Variants in KCNAB2 observed in about 807,000 individuals in gnomAD.
KCNAB2 encodes the protein voltage-gated potassium channel subunit beta-2.
Under a neutral mutation model 63.6 loss-of-function variants are expected in KCNAB2, and 29 were observed. That is an observed-to-expected ratio of 0.46 (90% confidence interval 0.34 to 0.62). The LOEUF (loss-of-function observed/expected upper bound fraction) is 0.62, where lower values mean the gene tolerates loss of function less well. Ranked by LOEUF, KCNAB2 falls within the 20% of genes least tolerant of loss-of-function variation. The pLI is 0.01. For missense variants in KCNAB2, 359 were observed against 563.9 expected (o/e 0.64, Z 3.68); for synonymous variants, 222 against 224.2 (o/e 0.99, Z 0.09).
At chr1:6,040,183 G>A (rs1335541615) in intron 1 of KCNAB2, among the ~76,000 whole-genome samples, 2 of 152,230 alleles carry the variant, frequency 1.3e-5, no homozygotes, top group African/African-American at 4.8e-5. Flanking sequence ...CACCATGTGG[G>A]CAGCAGAAAC....
Position 6,028,500 on chromosome 1 carries a change from C to T in KCNAB2, c.-52-12017C>T, listed in dbSNP as rs1018934882. Among the ~76,000 whole-genome samples the T allele has an allele frequency of 2.6e-5, 4 of 152,216 alleles. No individual in the cohort carries two copies. Among genetic ancestry groups the T allele is most frequent in the African/African-American group, 4.8e-5 (2 of 41,458 alleles). On this transcript the variant is annotated intron_variant, in intron 1 of 16. Coordinates refer to the KCNAB2 transcript ENST00000341524. This position sits in a 1 kb window ranked among gnomAD's most constrained non-coding sequence, Gnocchi z 4.0. ...CTGGAGTCCTCGCCCCGAGGCCTTC[C>T]GGAAGACACCCAGGACGTCACACCT...
intron 8 of KCNAB2, among the ~76,000 whole-genome samples, chr1:6,089,927 C>T (rs932430695): frequency 5.9e-5 from 9 of 152,208 alleles, no homozygotes; most frequent in Non-Finnish European, 1.2e-4. Context: ...TCTCAAACTC[C>T]TGGCCCTCAA....
chr1:6,029,901 G>T (rs185697173), upstream of KCNAB2, among the ~76,000 whole-genome samples: 299 of 152,328 alleles, frequency 2.0e-3, no homozygotes, highest in African/African-American at 6.5e-3. Flanking sequence ...GTCAGCACTG[G>T]CAAGATTTCA....
In KCNAB2 at chr1:6,099,896, A is replaced by C. The variant is rs748378219; in HGVS notation, c.*1322A>C. ...CTTGGGCCGGAGGGCAAGGGATGCC[A>C]GTAAGTCTGCAGGTGCGGGGTGCCA... On this transcript the variant is annotated 3_prime_UTR_variant, in exon 16 of 16. Coordinates refer to ENST00000378083, the MANE Select transcript of KCNAB2 (RefSeq NM_001199862.2). The C allele has an allele frequency of 1.3e-6, 2 of 1,550,344 alleles. No individual in the cohort carries two copies. The highest frequency in any genetic ancestry group is 4.9e-5 in the East Asian group (2 of 40,896).
chr1:6,089,047 C>T lies in KCNAB2; in HGVS notation c.510C>T (p.Ile170=), dbSNP rs199984513. 7.1e-6 allele frequency: 11 copies of T among 1,548,886 alleles called. No individual in the cohort carries two copies. The highest frequency in any genetic ancestry group is 5.9e-5 in the Admixed American group (3 of 50,852). The change falls in exon 8 of 16, where the codon ATC becomes ATT. Residue 170 remains isoleucine, a synonymous_variant. Coordinates refer to ENST00000378083, the MANE Select transcript of KCNAB2 (RefSeq NM_001199862.2). The part of the protein sequence containing the change: ...TERGLSRKHI[I]EGLKASLERL... ...GGGGCCTGTCCAGGAAGCACATAAT[C>T]GAAGGTGAGGACGCGCTCGGGCACC... is the stretch of plus-strand genomic sequence containing the variant.
At chr1:5,998,547 C>T (rs190096683) in intron 1 of KCNAB2, among the ~76,000 whole-genome samples, 1 of 152,074 alleles carries the variant, frequency 6.6e-6, no homozygotes, top group African/African-American at 2.4e-5. Context: ...TGCCAAGGGT[C>T]GCCAAGGGTA....
chr1:6,098,347 C>T (rs1571119864), intron 15 of KCNAB2, 138 bp from the exon 16 acceptor site: 2 of 1,464,862 alleles, frequency 1.4e-6, no homozygotes, highest in East Asian at 2.4e-5. Context: ...CCTCCATCTG[C>T]CTCAGATGGA....
chr1:6,091,370 A>C, intron 10 of KCNAB2, 63 bp downstream of exon 10: 6 of 1,171,246 alleles, frequency 5.1e-6, no homozygotes, highest in East Asian at 2.6e-5. Context: ...ATGAGACAGT[A>C]TTTTTATTTA....
intron 4 of KCNAB2, 76 bp from the exon 5 acceptor site, chr1:6,082,119 G>C: frequency 7.5e-7 from 1 of 1,337,428 alleles, no homozygotes; most frequent in Non-Finnish European, 1.1e-6. Flanking sequence ...AGGCCTCCCA[G>C]GCCGAGAGGG....
At chr1:6,075,283 G>A (rs1406888276) in intron 4 of KCNAB2, among the ~76,000 whole-genome samples, 1 of 152,238 alleles carries the variant, frequency 6.6e-6, no homozygotes, top group African/African-American at 2.4e-5. Flanking sequence ...CAAGCAGACA[G>A]ACTAGACCCA....
intron 2 of KCNAB2, among the ~76,000 whole-genome samples, chr1:6,058,947 G>A (rs1481867688): frequency 6.6e-6 from 1 of 152,026 alleles, no homozygotes; most frequent in African/African-American, 2.4e-5. Context: ...CGGTGGTCAT[G>A]GTCATCCCAG....
chr1:6,074,478 C>T lies in KCNAB2; in HGVS notation c.300+708C>T, dbSNP rs1663496028. Among the ~76,000 whole-genome samples the T allele has an allele frequency of 6.6e-6, 1 of 152,212 alleles. No individual in the cohort carries two copies. The highest frequency in any genetic ancestry group is 1.5e-5 in the Non-Finnish European group (1 of 68,046). ...AGCAGTGGCATTTGCTCAGACAGCT[C>T]TGGGCATCTGCACAAGAAGCAGTTT... On this transcript the variant is annotated intron_variant, in intron 4 of 15. Coordinates refer to ENST00000378083, the MANE Select transcript of KCNAB2 (RefSeq NM_001199862.2). This position sits in a 1 kb window ranked among gnomAD's most constrained non-coding sequence, Gnocchi z 4.9.
chr1:6,041,967 A>G (rs72861072), upstream of KCNAB2: 5,625 of 1,162,782 alleles, frequency 4.8e-3, 178 homozygotes, highest in African/African-American at 0.074. Context: ...GTGCTGGTGT[A>G]TTCTCTGAAG....
intron 1 of KCNAB2, among the ~76,000 whole-genome samples, chr1:6,021,967 T>A (rs571510726): frequency 6.6e-6 from 1 of 152,096 alleles, no homozygotes; most frequent in South Asian, 2.1e-4. Flanking sequence ...GGTTCAGTGG[T>A]ACTGAGTGTG....
chr1:6,053,017 C>G (rs995341564), intron 2 of KCNAB2, among the ~76,000 whole-genome samples: 1 of 152,096 alleles, frequency 6.6e-6, no homozygotes, highest in African/African-American at 2.4e-5. Flanking sequence ...ACGTTTTCTC[C>G]TGTGGACGGC....
Position 6,100,118 on chromosome 1 carries a change from C to A in KCNAB2, c.*1544C>A. The A allele has an allele frequency of 2.1e-6, 3 of 1,435,298 alleles. No individual in the cohort carries two copies. The highest frequency in any genetic ancestry group is 2.7e-6 in the Non-Finnish European group (3 of 1,091,770). 88.9% of individuals were successfully genotyped at this position (1,435,298 alleles called of 1,614,324 possible). ...CTGGAGGAGCCACTATTCCAGAAGG[C>A]TCCACCCTGCCGTCCTGCGGGAGCC... On this transcript the variant is annotated 3_prime_UTR_variant, in exon 16 of 16. Coordinates refer to ENST00000378083, the MANE Select transcript of KCNAB2 (RefSeq NM_001199862.2).
intron 1 of KCNAB2, among the ~76,000 whole-genome samples, chr1:6,014,138 G>C (rs1290776892): frequency 3.9e-5 from 6 of 152,228 alleles, no homozygotes; most frequent in Non-Finnish European, 7.3e-5. Context: ...GACTGCACTG[G>C]GTCGCCAGCA....
chr1:6,030,866 G>A (rs542962150), upstream of KCNAB2, among the ~76,000 whole-genome samples: 2 of 148,094 alleles, frequency 1.4e-5, no homozygotes, highest in Non-Finnish European at 3.0e-5. Context: ...GTATGTATGT[G>A]TAGGTGTGTG....
intron 1 of KCNAB2, among the ~76,000 whole-genome samples, chr1:6,002,673 C>T (rs144668066): frequency 1.1e-4 from 17 of 152,232 alleles, no homozygotes; most frequent in African/African-American, 4.1e-4. Context: ...TCAGGTGTTC[C>T]CAGGTGGCAG....
Sources: gnomAD v4.1 joint callset for allele counts (sites outside exome capture counted in the v4.1 genomes callset) on GRCh38, gnomAD v4.1.1 for gene constraint, Gnocchi (gnomAD v3.1) non-coding constraint, MANE v1.5 for transcripts, NCBI Gene and HGNC (gene_info 2026-07-23, HGNC 2026-07-21) for gene names.